ALG13: variants seen among roughly 807,000 people sequenced by gnomAD.
ALG13 encodes the protein UDP-N-acetylglucosamine transferase subunit ALG13.
In ALG13, 11 loss-of-function variants were observed where a neutral mutation model predicts 87.8. That is an observed-to-expected ratio of 0.13 (90% confidence interval 0.08 to 0.21). The LOEUF (loss-of-function observed/expected upper bound fraction) is 0.21, where lower values mean the gene tolerates loss of function less well. Ranked by LOEUF, ALG13 falls within the 10% of genes least tolerant of loss-of-function variation. The probability of loss-of-function intolerance (pLI) is 1.00; values close to 1 mark genes in which losing one functional copy is unlikely to be tolerated. For missense variants in ALG13, 756 were observed against 866.1 expected (o/e 0.87, Z 1.60); for synonymous variants, 320 against 306.3 (o/e 1.04, Z -0.47).
At chrX:111,697,669 G>C (rs187720648) in intron 3 of ALG13, among the ~76,000 whole-genome samples, 1 of 112,334 alleles carries the variant, frequency 8.9e-6, no homozygotes, top group Admixed American at 9.4e-5. Flanking sequence ...TCGACCCACA[G>C]TTCTCTTTAA....
At chrX:111,723,692 T>C in intron 13 of ALG13, 106 bp from the exon 14 acceptor site, 1 of 484,756 alleles carries the variant, frequency 2.1e-6, no homozygotes, top group South Asian at 3.4e-5. Context: ...TGATACGAAT[T>C]ACTTTAAAAA....
chrX:111,753,324 A>G (rs1226690079), intron 25 of ALG13, among the ~76,000 whole-genome samples: 1 of 112,122 alleles, frequency 8.9e-6, no homozygotes, highest in African/African-American at 3.2e-5. Flanking sequence ...AATTTATAGC[A>G]CTAAATACCC....
chrX:111,722,670 C>T, intron 12 of ALG13, 123 bp from the exon 13 acceptor site: 1 of 469,065 alleles, frequency 2.1e-6, no homozygotes, highest in South Asian at 3.4e-5. Flanking sequence ...GGGACTTTAC[C>T]CCTATTTTCA....
chrX:111,733,933 G>T (rs1942982126), intron 21 of ALG13, among the ~76,000 whole-genome samples: 1 of 111,840 alleles, frequency 8.9e-6, no homozygotes, highest in South Asian at 3.7e-4. Flanking sequence ...TCTTATGTTT[G>T]TTGACCATTT....
At chrX:111,717,615 G>A (rs1284343061) in intron 8 of ALG13, among the ~76,000 whole-genome samples, 1 of 104,933 alleles carries the variant, frequency 9.5e-6, no homozygotes, top group Non-Finnish European at 1.9e-5. Context: ...GAGGCTCACA[G>A]TGTAACCTTA....
chrX:111,737,025 G>T, intron 23 of ALG13, 146 bp downstream of exon 23: 2 of 483,068 alleles, frequency 4.1e-6, no homozygotes, highest in Non-Finnish European at 6.2e-6. Flanking sequence ...TGCCATTGAG[G>T]AATCCATGAG....
At chrX:111,692,549 C>T (rs764578987) in intron 3 of ALG13, among the ~76,000 whole-genome samples, 6 of 111,383 alleles carry the variant, frequency 5.4e-5, no homozygotes, top group African/African-American at 1.3e-4. Context: ...TCTAGTAAGT[C>T]TCTTGTTCAG....
At chrX:111,751,742 A>C (rs1259977907) in intron 24 of ALG13, among the ~76,000 whole-genome samples, 1 of 111,833 alleles carries the variant, frequency 8.9e-6, no homozygotes, top group African/African-American at 3.3e-5. Context: ...AATGGCAATA[A>C]ATGTATTTGT....
intron 23 of ALG13, among the ~76,000 whole-genome samples, chrX:111,742,590 A>C (rs746747917): frequency 2.7e-5 from 3 of 112,463 alleles, no homozygotes; most frequent in Non-Finnish European, 3.8e-5. Flanking sequence ...TGAGTAAGGC[A>C]TATACCCTTG....
chrX:111,732,935 T>A (rs1002722098), intron 21 of ALG13, among the ~76,000 whole-genome samples: 4 of 111,323 alleles, frequency 3.6e-5, no homozygotes, highest in African/African-American at 1.3e-4. Flanking sequence ...CAAGAATACT[T>A]TTTTTCTGTT....
chrX:111,705,628 A>T (rs1938606268), intron 3 of ALG13, among the ~76,000 whole-genome samples: 1 of 111,823 alleles, frequency 8.9e-6, no homozygotes, highest in Non-Finnish European at 1.9e-5. Context: ...ATTATAGTAC[A>T]AGGTGTGAGG....
rs1944066126 is a variant in ALG13, at chrX:111,744,745, C to G, written c.2773C>G (p.Pro925Ala). ...GASLPPPPPPPPPPPPPPPPP... is the reference protein window; with the variant it reads ...GASLPPPPPPAPPPPPPPPPP... ...CTCTCTACCACCACCACCACCACCA[C>G]CACCACCACCACCACCACCACCACC... Residue 925 changes from proline (P) to alanine (A), a missense_variant, in exon 24 of 27, where the codon CCA (proline) becomes GCA (alanine). Around this residue, in one of 9 missense-constraint regions of ALG13, gnomAD observed 362 missense variants for 383.5 expected, o/e 0.94. Transcript: ENST00000394780. 9.4e-7 allele frequency: 1 copy of G among 1,060,062 alleles called. No individual in the cohort carries two copies. The highest frequency in any genetic ancestry group is 1.2e-6 in the Non-Finnish European group (1 of 808,396). 87.4% of individuals were successfully genotyped at this position (1,060,062 alleles called of 1,213,427 possible). A position where few individuals can be genotyped will look rare whatever the true frequency, so the allele number is the denominator to read the frequency against.
chrX:111,706,268 A>T (rs1938745308), intron 3 of ALG13, among the ~76,000 whole-genome samples: 1 of 112,289 alleles, frequency 8.9e-6, no homozygotes, highest in Non-Finnish European at 1.9e-5. Flanking sequence ...TGACCTCGTG[A>T]TCTGCCTGCC....
chrX:111,754,792 C>T (rs1228186085), intron 25 of ALG13, among the ~76,000 whole-genome samples: 2 of 112,029 alleles, frequency 1.8e-5, no homozygotes, highest in Non-Finnish European at 3.8e-5. Flanking sequence ...AAGGGAAAAA[C>T]GTTCCATGCT....
At chrX:111,691,779 C>T (rs1342409941) in intron 3 of ALG13, among the ~76,000 whole-genome samples, 1 of 112,376 alleles carries the variant, frequency 8.9e-6, no homozygotes, top group Non-Finnish European at 1.9e-5. Flanking sequence ...TGAATTTTTA[C>T]ATTGCTACTT....
intron 3 of ALG13, among the ~76,000 whole-genome samples, chrX:111,692,655 T>G (rs746620131): frequency 6.3e-5 from 7 of 111,779 alleles, no homozygotes; most frequent in Non-Finnish European, 1.3e-4. Context: ...ATGCAGTATC[T>G]TAATGGTATT....
intron 23 of ALG13, chrX:111,737,167 A>G (rs930858640): frequency 8.9e-5 from 17 of 191,721 alleles, no homozygotes; most frequent in African/African-American, 3.0e-4. Flanking sequence ...GTTTTATCAT[A>G]TAAGAGTGAA....
At position 111,760,471 on chromosome X, in the gene ALG13, C is replaced by A. The variant is rs1945639443; in HGVS notation, c.*472C>A. The stretch of plus-strand genomic sequence containing the variant: ...GCTCTTCACGTTTCTTGAGAATTAT[C>A]TGAAGCCAGTTGCATTCTGTGATAT... On this transcript the variant is annotated 3_prime_UTR_variant, in exon 27 of 27. Coordinates refer to ENST00000394780, the MANE Select transcript of ALG13 (RefSeq NM_001099922.3). The A allele has an allele frequency of 8.5e-6, 1 of 117,135 alleles. No homozygotes were observed. The highest frequency in any genetic ancestry group is 3.2e-5 in the African/African-American group (1 of 30,984). 9.7% of individuals were successfully genotyped at this position (117,135 alleles called of 1,213,427 possible). A position where few individuals can be genotyped will look rare whatever the true frequency, so the allele number is the denominator to read the frequency against.
Position 111,744,375 on chromosome X carries a change from A to G in ALG13, c.2696-293A>G, listed in dbSNP as rs113804748. On this transcript the variant is annotated intron_variant, in intron 23 of 26. Transcript: ENST00000394780. ...ATTTTGCTTTAGTTATGTTTTATTT[A>G]TGTACCTGTTAGCTAAATGTTCAAA... Among the ~76,000 whole-genome samples the G allele has an allele frequency of 2.6e-3, 287 of 111,947 alleles. 2 individuals carry two copies. Among genetic ancestry groups the G allele is most frequent in the African/African-American group, 9.0e-3 (276 of 30,832 alleles).
Sources: allele counts gnomAD v4.1 joint callset (sites outside exome capture counted in the v4.1 genomes callset), GRCh38; gene constraint gnomAD v4.1.1; regional missense constraint gnomAD v4.1.1; transcripts MANE v1.5; gene names NCBI Gene and HGNC (gene_info 2026-07-23, HGNC 2026-07-21).